PKD1: variants seen among roughly 807,000 people sequenced by gnomAD.
PKD1 encodes polycystin-1.
Under a neutral mutation model 361.7 loss-of-function variants are expected in PKD1, and 81 were observed. The ratio of observed to expected loss-of-function variants is 0.22; its 90% CI spans 0.19 to 0.27. PKD1 has a LOEUF of 0.27. Ranked by LOEUF, PKD1 falls within the 10% of genes least tolerant of loss-of-function variation. The pLI is 1.00. For missense variants in PKD1, 6,399 were observed against 6,118.3 expected (o/e 1.05, Z -1.53); for synonymous variants, 3,615 against 2,818.3 (o/e 1.28, Z -8.95).
Position 2,102,477 on chromosome 16 carries a change from C to G in PKD1, c.9105G>C (p.Glu3035Asp). The G allele has an allele frequency of 6.4e-7, 1 of 1,565,564 alleles. No homozygotes were observed. The highest frequency in any genetic ancestry group is 8.6e-7 in the Non-Finnish European group (1 of 1,156,936). The change falls in exon 25 of 46, where the codon GAG (glutamate) becomes GAC (aspartate). Residue 3035 changes from glutamate to aspartate, a missense_variant. Physicochemically the swap from Glu to Asp is conservative, Grantham distance 45. Coordinates refer to ENST00000262304, the MANE Select transcript of PKD1 (RefSeq NM_001009944.3). ...GGCAGACGGCCTGGCGGGGCGAGGT[C>G]TCCTCCAGGGGCAGCAGCCCCTCTG... ...WRTEGLLPLE[E>D]TSPRQAVCLT... is the part of the protein sequence containing the mutation.
At position 2,100,318 on chromosome 16, in the gene PKD1, G is replaced by A. The variant is rs764399603; in HGVS notation, c.9569-9C>T. ...CCAGGCAGGGCTGAGCCCTGCAGAG[G>A]CGCAGGAGGGAGGTCAGGCTCGCAG... On this transcript the variant is annotated splice_polypyrimidine_tract_variant and intron_variant, in intron 27 of 45. Coordinates refer to ENST00000262304, the MANE Select transcript of PKD1 (RefSeq NM_001009944.3). This position sits in a 1 kb window ranked among gnomAD's most constrained non-coding sequence, Gnocchi z 4.4. 2 of 1,609,880 alleles carry A rather than the reference G, an allele frequency of 1.2e-6. No individual in the cohort carries two copies. The highest frequency in any genetic ancestry group is 8.5e-7 in the Non-Finnish European group (1 of 1,179,264).
intron 7 of PKD1, 43 bp from the exon 8 acceptor site, chr16:2,116,687 G>C: frequency 8.0e-7 from 1 of 1,254,152 alleles, no homozygotes; most frequent in African/African-American, 1.5e-5. Flanking sequence ...CCAGGGCCCA[G>C]GACACCAGGA....
rs1386551818 is a variant in PKD1, at chr16:2,097,172, A to C, written c.10475T>G (p.Met3492Arg). ...CAGGCTGCTGAGCAGGTCCGTTTCCATGTGGGTGTCTTGGGTAGGGGCTGG... is the reference window on the plus strand; with the variant it reads ...CAGGCTGCTGAGCAGGTCCGTTTCCCTGTGGGTGTCTTGGGTAGGGGCTGG... ...SSPAPTQDTHMETDLLSSLSS... is the reference protein window; with the variant it reads ...SSPAPTQDTHRETDLLSSLSS... Residue 3492 changes from methionine to arginine, a missense_variant, in exon 34 of 46, where the codon ATG becomes AGG. Met to Arg is a moderately conservative substitution (Grantham distance 91, BLOSUM62 -1). Coordinates refer to ENST00000262304, the MANE Select transcript of PKD1 (RefSeq NM_001009944.3). 1 of 1,553,344 alleles carries C rather than the reference A, an allele frequency of 6.4e-7. No homozygotes were observed. Among genetic ancestry groups the C allele is most frequent in the Non-Finnish European group, 8.7e-7 (1 of 1,149,078 alleles).
rs1403485537 is a variant in PKD1 at position 2,105,489 on chromosome 16, G to C, written c.7864-15C>G. On this transcript the variant is annotated splice_polypyrimidine_tract_variant and intron_variant, in intron 20 of 45. Transcript: ENST00000262304. ...GCCCGCTCGTACTGGGGCAGGCAGG[G>C]GGCACAGCAAGCTGTCAGCAGCGCA... 2 of 1,595,220 alleles carry C rather than the reference G, an allele frequency of 1.3e-6. No homozygotes were observed. Among genetic ancestry groups the C allele is most frequent in the African/African-American group, 1.3e-5 (1 of 74,848 alleles).
intron 1 of PKD1, among the ~76,000 whole-genome samples, chr16:2,126,972 C>T (rs2092807303): frequency 6.6e-6 from 1 of 152,206 alleles, no homozygotes; most frequent in African/African-American, 2.4e-5. Flanking sequence ...GCATCACCCA[C>T]TCATGGGCCA....
At chr16:2,131,221 G>A (rs1468262157) in intron 1 of PKD1, among the ~76,000 whole-genome samples, 2 of 152,090 alleles carry the variant, frequency 1.3e-5, no homozygotes, top group East Asian at 1.9e-4. Context: ...AGACATCATC[G>A]GACATTTAAA....
chr16:2,126,760 T>G (rs1725619773), intron 1 of PKD1, among the ~76,000 whole-genome samples: 4 of 152,194 alleles, frequency 2.6e-5, no homozygotes, highest in African/African-American at 9.7e-5. Context: ...CATGTGTGTC[T>G]CCCTCCAAAG....
At chr16:2,107,013 C>G (rs1462437486) in intron 16 of PKD1, 65 bp from the exon 17 acceptor site, 2 of 1,494,950 alleles carry the variant, frequency 1.3e-6, no homozygotes, top group Admixed American at 3.3e-5. Flanking sequence ...ACTGGGGGAC[C>G]CATGGAGGAT....
intron 3 of PKD1, 45 bp downstream of exon 3, chr16:2,119,069 G>C (rs762977521): frequency 9.5e-7 from 1 of 1,055,330 alleles, no homozygotes; most frequent in Non-Finnish European, 1.4e-6. Flanking sequence ...GGATATTGGG[G>C]GCCTGGGGTC....
At chr16:2,094,899 G>C (rs1040269488) in intron 34 of PKD1, 6 of 152,684 alleles carry the variant, frequency 3.9e-5, no homozygotes, top group Non-Finnish European at 7.3e-5. Context: ...CTGCGCCCTC[G>C]TCAGCCCATC....
chr16:2,102,362 G>A lies in PKD1; in HGVS notation c.9201+19C>T. On this transcript the variant is annotated intron_variant, in intron 25 of 45. Transcript: ENST00000262304. ...CTCCTCGACTCTGCAGAGGCTCCCA[G>A]GAGCACAGGGTCACTCACAGGAAAC... is the stretch of plus-strand genomic sequence containing the variant. The A allele has an allele frequency of 6.4e-7, 1 of 1,552,226 alleles. No individual in the cohort carries two copies. Among genetic ancestry groups the A allele is most frequent in the Non-Finnish European group, 8.7e-7 (1 of 1,148,702 alleles).
At position 2,096,263 on chromosome 16, in the gene PKD1, G is replaced by A. The variant is rs535904349; in HGVS notation, c.10499+885C>T. ...GCCCTGTGGTGTGGCCTGTGGCTCC[G>A]GGGCACCGCACCTGCACTGCATGCC... On this transcript the variant is annotated intron_variant, in intron 34 of 45. Transcript: ENST00000262304. 1.4e-4 allele frequency among the ~76,000 whole-genome samples: 22 copies of A among 152,350 alleles called. 2 individuals are homozygous for A. In the South Asian group the frequency reaches 4.3e-3, roughly 30 times the overall value.
At position 2,103,549 on chromosome 16, in the gene PKD1, A is replaced by T. The variant is rs756190153; in HGVS notation, c.8508T>A (p.Phe2836Leu). 6.2e-7 allele frequency: 1 copy of T among 1,609,464 alleles called. No homozygotes were observed. Among genetic ancestry groups the T allele is most frequent in the South Asian group, 1.1e-5 (1 of 90,988 alleles). The change falls in exon 23 of 46, where the codon TTT (phenylalanine) becomes TTA (leucine). Residue 2836 changes from phenylalanine (F) to leucine (L), a missense_variant. Phe to Leu is a conservative substitution (Grantham distance 22). Coordinates refer to ENST00000262304, the MANE Select transcript of PKD1 (RefSeq NM_001009944.3). Reference protein sequence around the residue: ...IFLVDSNPFPFGYISNYTVST... With the variant: ...IFLVDSNPFPLGYISNYTVST... Reference sequence around the variant, plus strand: ...AGACGGTGTAGTTGCTGATATAGCCAAAGGGAAAGGGATTGGAGTCCACCA... The same window carrying T: ...AGACGGTGTAGTTGCTGATATAGCCTAAGGGAAAGGGATTGGAGTCCACCA...
At chr16:2,093,493 T>G (rs189820575) in intron 37 of PKD1, 51 bp downstream of exon 37, 3 of 1,512,560 alleles carry the variant, frequency 2.0e-6, no homozygotes, top group Admixed American at 1.9e-5. Flanking sequence ...GGGTGGGAGG[T>G]GGGAGACAAG....
chr16:2,096,538 G>A (rs148846511), intron 34 of PKD1, among the ~76,000 whole-genome samples: 31 of 151,976 alleles, frequency 2.0e-4, no homozygotes, highest in East Asian at 1.3e-3. Context: ...TTTTTGAGAC[G>A]GAGTTTCGCT....
In PKD1 at chr16:2,102,331, C is replaced by T. The variant is rs548596013; in HGVS notation, c.9201+50G>A. ...TTCTCAGGATAGAGCCGAGCCCACCCAGGCCCTCCTCGACTCTGCAGAGGC... is the reference window on the plus strand; with the variant it reads ...TTCTCAGGATAGAGCCGAGCCCACCTAGGCCCTCCTCGACTCTGCAGAGGC... On this transcript the variant is annotated intron_variant, in intron 25 of 45. Transcript: ENST00000262304. 5.9e-6 allele frequency: 9 copies of T among 1,532,276 alleles called. No individual in the cohort carries two copies. The South Asian group carries it at 1.1e-4, about 18-fold the overall frequency. 94.9% of individuals were successfully genotyped at this position (1,532,276 alleles called of 1,614,324 possible). A position where few individuals can be genotyped will look rare whatever the true frequency, so the allele number is the denominator to read the frequency against.
In PKD1 at chr16:2,102,384, A is replaced by T. The variant is rs774956854; in HGVS notation, c.9198T>A (p.Phe3066Leu). The change falls in exon 25 of 46, where the codon TTT becomes TTA. Residue 3066 changes from phenylalanine to leucine, a missense_variant. By Grantham distance (22) the Phe-to-Leu change is conservative. Transcript: ENST00000262304. ...FVPPSHVRFV[F>L]PEPTADVNYI... ...CCAGGAGCACAGGGTCACTCACAGG[A>T]AACACAAAGCGGACATGGCTTGGGG... is the stretch of plus-strand genomic sequence containing the variant. 1 of 1,556,552 alleles carries T rather than the reference A, an allele frequency of 6.4e-7. No homozygotes were observed. The highest frequency in any genetic ancestry group is 1.2e-5 in the South Asian group (1 of 85,176).
In PKD1 at chr16:2,116,634, C is replaced by G. The variant is rs1382845038; in HGVS notation, c.1617G>C (p.Gln539His). ...VCELQPGGPV[Q>H]DAENLLVGAP... ...CTCCCACGAGGAGGTTCTCGGCATC[C>G]TGCACTGGGCCTGGGGTGGCGAGTG... is the stretch of plus-strand genomic sequence containing the variant. Residue 539 changes from glutamine (Q) to histidine (H), a missense_variant, in exon 8 of 46, where the codon CAG becomes CAC. Coordinates refer to ENST00000262304, the MANE Select transcript of PKD1 (RefSeq NM_001009944.3). 6.5e-7 allele frequency: 1 copy of G among 1,528,666 alleles called. No homozygotes were observed. The highest frequency in any genetic ancestry group is 8.8e-7 in the Non-Finnish European group (1 of 1,135,074). 94.7% of individuals were successfully genotyped at this position (1,528,666 alleles called of 1,614,324 possible). A position where few individuals can be genotyped will look rare whatever the true frequency, so the allele number is the denominator to read the frequency against.
At chr16:2,103,182 G>C (rs965203934) in intron 23 of PKD1, 84 bp downstream of exon 23, 106 of 1,428,324 alleles carry the variant, frequency 7.4e-5, no homozygotes, top group Non-Finnish European at 9.5e-5. Context: ...TTTCACCAGA[G>C]ACACCCATGG....
Sources: gnomAD v4.1 joint callset for allele counts (sites outside exome capture counted in the v4.1 genomes callset) on GRCh38, gnomAD v4.1.1 for gene constraint, Gnocchi (gnomAD v3.1) non-coding constraint, MANE v1.5 for transcripts, NCBI Gene and HGNC (gene_info 2026-07-23, HGNC 2026-07-21) for gene names.